KCNK2: variants seen among roughly 807,000 people sequenced by gnomAD.
The protein encoded by KCNK2 is potassium two pore domain channel subfamily K member 2, also known as potassium channel subfamily K member 2.
In KCNK2, 21 loss-of-function variants were observed where a neutral mutation model predicts 40.5. The ratio of observed to expected loss-of-function variants is 0.52; its 90% CI spans 0.37 to 0.75. KCNK2 has a LOEUF of 0.75. Among genes scored for constraint, KCNK2 ranks in the 30% least tolerant of loss-of-function variants. The pLI, the probability that KCNK2 is intolerant of heterozygous loss-of-function variation, is 0.00. For missense variants in KCNK2, 399 were observed against 531.6 expected, an observed-to-expected ratio of 0.75 and a Z score of 2.45; for synonymous variants, 191 against 202.2, an observed-to-expected ratio of 0.94 and a Z score of 0.47.
intron 2 of KCNK2, among the ~76,000 whole-genome samples, chr1:215,111,776 A>G (rs1660694396): frequency 6.6e-6 from 1 of 151,532 alleles, no homozygotes; most frequent in Admixed American, 6.6e-5. Flanking sequence ...TAATTGGGCC[A>G]TGTTTCCCTG....
chr1:215,185,409 G>A lies in KCNK2; in HGVS notation c.824-9544G>A, dbSNP rs527425829. On this transcript the variant is annotated intron_variant, in intron 5 of 6. Transcript: ENST00000444842. ...TTGGAATGAGAATGTGGATTGGGGG[G>A]CAGATGTGGCAACGGCTGGGTAGCA... Among the ~76,000 whole-genome samples the A allele has an allele frequency of 4.6e-5, 7 of 152,222 alleles. No individual in the cohort carries two copies. The South Asian group carries it at 6.2e-4, about 14-fold the overall frequency.
chr1:215,035,757 G>A (rs1657362030), intron 1 of KCNK2, among the ~76,000 whole-genome samples: 1 of 152,024 alleles, frequency 6.6e-6, no homozygotes, highest in South Asian at 2.1e-4. Flanking sequence ...GAAAATAGAA[G>A]TGAGATTGCT....
At chr1:215,057,125 T>C (rs1658196209) in intron 1 of KCNK2, among the ~76,000 whole-genome samples, 1 of 152,196 alleles carries the variant, frequency 6.6e-6, no homozygotes, top group Admixed American at 6.5e-5. Context: ...CCTAGCTATA[T>C]TCATTGTGTT....
At chr1:215,117,274 C>T (rs1660987807) in intron 2 of KCNK2, among the ~76,000 whole-genome samples, 1 of 151,922 alleles carries the variant, frequency 6.6e-6, no homozygotes, top group Non-Finnish European at 1.5e-5. Flanking sequence ...TAAATAGTAT[C>T]TCTGGATCTC....
At chr1:215,023,469 T>A (rs923094680) in intron 1 of KCNK2, among the ~76,000 whole-genome samples, 1 of 152,220 alleles carries the variant, frequency 6.6e-6, no homozygotes, top group East Asian at 1.9e-4. Flanking sequence ...ATACTCTGAA[T>A]TGAATTACAT....
rs928972899 is a variant in KCNK2 at position 215,082,816 on chromosome 1, C to T, written c.-570C>T. Among the ~76,000 whole-genome samples, 2 of 152,000 alleles carry T rather than the reference C, an allele frequency of 1.3e-5. No individual in the cohort carries two copies. Among genetic ancestry groups the T allele is most frequent in the Non-Finnish European group, 2.9e-5 (2 of 67,980 alleles). On this transcript the variant is annotated 5_prime_UTR_variant, in exon 1 of 7. Coordinates refer to ENST00000444842, the MANE Select transcript of KCNK2 (RefSeq NM_001017425.3). ...GCTGCAGAGCTGCGGGCGCCCGGACCGTGCCACACACCCCCCGCGGGGCAC... is the reference window on the plus strand; with the variant it reads ...GCTGCAGAGCTGCGGGCGCCCGGACTGTGCCACACACCCCCCGCGGGGCAC...
intron 6 of KCNK2, among the ~76,000 whole-genome samples, chr1:215,212,363 A>G (rs1665778221): frequency 6.6e-6 from 1 of 152,144 alleles, no homozygotes; most frequent in Admixed American, 6.6e-5. Flanking sequence ...AGGTTTTTAA[A>G]TATTTTTAAA....
chr1:215,012,433 T>A (rs1272178072), intron 1 of KCNK2, among the ~76,000 whole-genome samples: 1 of 151,930 alleles, frequency 6.6e-6, no homozygotes, highest in African/African-American at 2.4e-5. Flanking sequence ...AATCTGATTA[T>A]CTTCTTTAGT....
At chr1:215,173,013 A>G (rs1305729234) in intron 5 of KCNK2, among the ~76,000 whole-genome samples, 1 of 152,112 alleles carries the variant, frequency 6.6e-6, no homozygotes, top group African/African-American at 2.4e-5. Flanking sequence ...GTTCTAGGGT[A>G]CATGTGCACA....
chr1:215,172,848 G>T (rs1185455934), intron 5 of KCNK2, among the ~76,000 whole-genome samples: 1 of 151,862 alleles, frequency 6.6e-6, no homozygotes, highest in Non-Finnish European at 1.5e-5. Flanking sequence ...GGAGAGATGG[G>T]GTTTCACCAT....
rs372328638 is a variant in KCNK2 at position 215,155,740 on chromosome 1, C to T, written c.476-13459C>T. ...TTCACCATGTTGGCCAGGTTGGTCT[C>T]CATCTCTTGACCTTATGATCCACCC... On this transcript the variant is annotated intron_variant, in intron 3 of 6. Transcript: ENST00000444842. 5.5e-4 allele frequency among the ~76,000 whole-genome samples: 84 copies of T among 152,152 alleles called. No individual in the cohort carries two copies. In the South Asian group the frequency reaches 0.017, roughly 32 times the overall value.
intron 1 of KCNK2, among the ~76,000 whole-genome samples, chr1:215,013,863 G>C (rs1423641558): frequency 2.6e-5 from 4 of 152,024 alleles, no homozygotes; most frequent in Non-Finnish European, 4.4e-5. Context: ...TCTATGAATA[G>C]GATAATTTTA....
intron 1 of KCNK2, among the ~76,000 whole-genome samples, chr1:215,029,658 G>A (rs1350993243): frequency 7.0e-6 from 1 of 143,480 alleles, no homozygotes; most frequent in African/African-American, 2.6e-5. Flanking sequence ...TAATATATTT[G>A]GATATACTTA....
intron 1 of KCNK2, among the ~76,000 whole-genome samples, chr1:215,009,352 G>A (rs546109672): frequency 2.0e-5 from 3 of 152,174 alleles, no homozygotes; most frequent in African/African-American, 7.2e-5. Flanking sequence ...TTGCTATCTG[G>A]AAAATTACTG....
At chr1:215,163,962 T>A (rs556251588) in intron 3 of KCNK2, among the ~76,000 whole-genome samples, 29 of 152,308 alleles carry the variant, frequency 1.9e-4, no homozygotes, top group African/African-American at 7.0e-4. Context: ...GTCCCTCTTT[T>A]TCTATTGTTT....
intron 2 of KCNK2, among the ~76,000 whole-genome samples, chr1:215,104,512 T>C (rs942412972): frequency 1.8e-4 from 27 of 152,048 alleles, no homozygotes; most frequent in African/African-American, 6.5e-4. Flanking sequence ...CTCTTGCTAG[T>C]GCCTGCTTGC....
intron 2 of KCNK2, among the ~76,000 whole-genome samples, chr1:215,093,038 A>G (rs1659760756): frequency 6.6e-6 from 1 of 152,102 alleles, no homozygotes; most frequent in African/African-American, 2.4e-5. Flanking sequence ...AGTTTGCGGG[A>G]GGGGCCAGAC....
At chr1:215,115,006 TG>T (rs1183194367) in intron 2 of KCNK2, among the ~76,000 whole-genome samples, 2 of 151,554 alleles carry the variant, frequency 1.3e-5, no homozygotes, top group African/African-American at 4.8e-5. Context: ...TGTGTGTGTG[TG>T]TGTGTGTGTG....
At position 215,086,110 on chromosome 1, in the gene KCNK2, GT is replaced by G. The variant is rs1158205590; in HGVS notation, c.47-255del. On this transcript the variant is annotated intron_variant, in intron 1 of 6. Coordinates refer to ENST00000444842, the MANE Select transcript of KCNK2 (RefSeq NM_001017425.3). ...TCAGGCATTCTTTTCTTTTTTTGAA[GT>G]TTCTTGGTTCGACTCCAGTTTTTTT... Among the ~76,000 whole-genome samples the G allele has an allele frequency of 2.4e-4, 37 of 152,116 alleles. No homozygotes were observed. In the South Asian group the frequency reaches 7.5e-3, roughly 31 times the overall value.
Sources: allele counts gnomAD v4.1 joint callset (sites outside exome capture counted in the v4.1 genomes callset), GRCh38; gene constraint gnomAD v4.1.1; transcripts MANE v1.5; gene names NCBI Gene and HGNC (gene_info 2026-07-23, HGNC 2026-07-21).